Variants in TRPC1 observed in about 807,000 individuals in gnomAD.
TRPC1 encodes short transient receptor potential channel 1.
In TRPC1, 42 loss-of-function variants were observed where a neutral mutation model predicts 88.2. The observed-to-expected ratio is 0.48, with a 90% CI of 0.37 to 0.62. TRPC1 has a LOEUF of 0.62. Ranked by LOEUF, TRPC1 falls within the 20% of genes least tolerant of loss-of-function variation. The pLI, the probability that TRPC1 is intolerant of heterozygous loss-of-function variation, is 0.00. For missense variants in TRPC1, 699 were observed against 957.3 expected, an observed-to-expected ratio of 0.73 and a Z score of 3.56; for synonymous variants, 288 against 331.8, an observed-to-expected ratio of 0.87 and a Z score of 1.43.
Position 142,792,730 on chromosome 3 carries a change from TA to T in TRPC1, c.1438-90del. The T allele has an allele frequency of 7.5e-7, 1 of 1,327,118 alleles. No homozygotes were observed. The highest frequency in any genetic ancestry group is 2.6e-5 in the East Asian group (1 of 38,304). The allele number at this position is 1,327,118 out of a possible 1,614,324, so 82.2% of individuals were successfully genotyped here. ...GAGATCCCCTATAAGAAGACAAAATTAAAATGGCTTTCTTTCAACAGTCAGA... is the reference window on the plus strand; with the variant it reads ...GAGATCCCCTATAAGAAGACAAAATTAAATGGCTTTCTTTCAACAGTCAGA... On this transcript the variant is annotated intron_variant, in intron 8 of 12. Transcript: ENST00000476941. The surrounding 1 kb of genome is among the most constrained non-coding windows in gnomAD (Gnocchi z 4.0).
intron 2 of TRPC1, among the ~76,000 whole-genome samples, chr3:142,736,993 T>G (rs1362964345): frequency 6.6e-6 from 1 of 152,128 alleles, no homozygotes; most frequent in Non-Finnish European, 1.5e-5. Context: ...TATTAAATTT[T>G]ATTTTTTTGT....
intron 4 of TRPC1, 42 bp from the exon 5 acceptor site, chr3:142,777,590 G>T (rs754190395): frequency 3.5e-6 from 5 of 1,437,128 alleles, no homozygotes; most frequent in Admixed American, 2.0e-5. Context: ...AATTATATGT[G>T]TATAAGTTTA....
intron 4 of TRPC1, among the ~76,000 whole-genome samples, chr3:142,771,670 C>T (rs1935583724): frequency 6.6e-6 from 1 of 152,152 alleles, no homozygotes; most frequent in Non-Finnish European, 1.5e-5. Context: ...TTGGCCCCAC[C>T]TACCTACTAT....
At chr3:142,740,414 T>C (rs910686482) in intron 2 of TRPC1, among the ~76,000 whole-genome samples, 4 of 152,206 alleles carry the variant, frequency 2.6e-5, no homozygotes, top group Non-Finnish European at 5.9e-5. Context: ...GAACATTATA[T>C]TTCTAGGGAG....
intron 4 of TRPC1, among the ~76,000 whole-genome samples, chr3:142,754,706 T>C (rs897500793): frequency 6.6e-6 from 1 of 152,134 alleles, no homozygotes; most frequent in Non-Finnish European, 1.5e-5. Flanking sequence ...AAAACTTGGC[T>C]CAGTATCTAC....
chr3:142,759,236 T>C (rs1935093307), intron 4 of TRPC1, among the ~76,000 whole-genome samples: 1 of 152,228 alleles, frequency 6.6e-6, no homozygotes, highest in Non-Finnish European at 1.5e-5. Flanking sequence ...TTCTAGATCC[T>C]TGAGAAATCA....
chr3:142,735,775 G>GGTGT (rs111288637), intron 1 of TRPC1, among the ~76,000 whole-genome samples: 2 of 150,302 alleles, frequency 1.3e-5, no homozygotes, highest in East Asian at 1.9e-4. Flanking sequence ...TTAATGAGAT[G>GGTGT]GTGTGTGTGT....
intron 9 of TRPC1, among the ~76,000 whole-genome samples, chr3:142,796,045 GTCTT>G (rs1298451840): frequency 3.3e-5 from 5 of 152,072 alleles, no homozygotes; most frequent in Non-Finnish European, 7.4e-5. Flanking sequence ...CTGTTCTAAA[GTCTT>G]TATTCACATT....
intron 12 of TRPC1, among the ~76,000 whole-genome samples, chr3:142,805,083 A>G (rs1936746964): frequency 6.6e-6 from 1 of 151,750 alleles, no homozygotes; most frequent in East Asian, 1.9e-4. Context: ...CTTGGGTGAC[A>G]GAGCGAGACT....
At chr3:142,725,789 G>T (rs905788539) in intron 1 of TRPC1, among the ~76,000 whole-genome samples, 1 of 152,128 alleles carries the variant, frequency 6.6e-6, no homozygotes, top group Non-Finnish European at 1.5e-5. Flanking sequence ...GTTTGTATGT[G>T]TGAATGTGTA....
At chr3:142,790,997 A>T in intron 7 of TRPC1, 22 bp from the exon 8 acceptor site, 1 of 1,538,704 alleles carries the variant, frequency 6.5e-7, no homozygotes, top group East Asian at 2.4e-5. Flanking sequence ...GTGTTATCTG[A>T]TTTTTTTCTT....
chr3:142,775,211 A>AT (rs1935725465), intron 4 of TRPC1, among the ~76,000 whole-genome samples: 1 of 152,236 alleles, frequency 6.6e-6, no homozygotes. Context: ...TTACTTTTGT[A>AT]TCTAAGTAAG....
intron 2 of TRPC1, among the ~76,000 whole-genome samples, chr3:142,740,230 G>A (rs1191273188): frequency 6.6e-6 from 1 of 152,224 alleles, no homozygotes; most frequent in Non-Finnish European, 1.5e-5. Flanking sequence ...GTGGGAAATT[G>A]AAAAGGAGTC....
chr3:142,748,108 A>G, intron 3 of TRPC1, 150 bp from the exon 4 acceptor site: 1 of 728,598 alleles, frequency 1.4e-6, no homozygotes, highest in African/African-American at 1.8e-5. Flanking sequence ...GTTTCAAAGA[A>G]AAATTTAGTC....
chr3:142,763,975 T>TATATATATATATATATATATATATAC (rs1207123362), intron 4 of TRPC1, among the ~76,000 whole-genome samples: 54 of 68,520 alleles, frequency 7.9e-4, no homozygotes, highest in Non-Finnish European at 1.1e-3. Flanking sequence ...TATATATATA[T>TATATATATATATATATATATATATAC]ATATATATAC....
At chr3:142,746,328 C>T (rs1018526445) in intron 3 of TRPC1, among the ~76,000 whole-genome samples, 1 of 152,032 alleles carries the variant, frequency 6.6e-6, no homozygotes, top group Non-Finnish European at 1.5e-5. Context: ...TAATCTTATG[C>T]ATATCTAGTG....
In TRPC1 at chr3:142,781,348, A is replaced by G. The variant is rs142401605; in HGVS notation, c.960+319A>G. On this transcript the variant is annotated intron_variant, in intron 6 of 12. Transcript: ENST00000476941. ...AATGTTTTTGCTAAATAGTTGCTAC[A>G]CAGGTAAGATCCTTTGTAGTAGGTA... Among the ~76,000 whole-genome samples the G allele has an allele frequency of 1.2e-3, 182 of 152,348 alleles. 4 individuals are homozygous for G. The South Asian group carries it at 0.026, about 22-fold the overall frequency.
At chr3:142,733,298 G>A (rs1177533079) in intron 1 of TRPC1, among the ~76,000 whole-genome samples, 3 of 152,122 alleles carry the variant, frequency 2.0e-5, no homozygotes, top group Non-Finnish European at 4.4e-5. Context: ...GATCACTTGA[G>A]GTCAGGAGTT....
chr3:142,758,079 T>G (rs1935039775), intron 4 of TRPC1, among the ~76,000 whole-genome samples: 1 of 152,178 alleles, frequency 6.6e-6, no homozygotes, highest in Non-Finnish European at 1.5e-5. Context: ...TTTTTTTTTG[T>G]ACTCATTAAC....
Sources: gnomAD v4.1 joint callset for allele counts (sites outside exome capture counted in the v4.1 genomes callset) on GRCh38, gnomAD v4.1.1 for gene constraint, Gnocchi (gnomAD v3.1) non-coding constraint, MANE v1.5 for transcripts, NCBI Gene and HGNC (gene_info 2026-07-23, HGNC 2026-07-21) for gene names.